Variants in RALYL observed in about 807,000 individuals in gnomAD.
RALYL encodes the protein RALY RNA binding protein like.
In RALYL, 29 loss-of-function variants were observed where a neutral mutation model predicts 35.1. The observed-to-expected ratio is 0.83, with a 90% CI of 0.61 to 1.13. RALYL has a LOEUF of 1.13. RALYL is among the 50% of genes most tolerant of loss of function. RALYL has a pLI of 0.00. For synonymous variants in RALYL, 120 were observed against 127.6 expected (o/e 0.94, Z 0.40); for missense variants, 359 against 360.4 (o/e 1.00, Z 0.03).
chr8:84,392,242 C>T (rs183117227), intron 1 of RALYL, among the ~76,000 whole-genome samples: 61 of 151,728 alleles, frequency 4.0e-4, no homozygotes, highest in African/African-American at 1.3e-3. Flanking sequence ...TCTTACTGCT[C>T]AAAGGAAAAA....
chr8:84,546,412 C>T (rs1405442187), intron 2 of RALYL, among the ~76,000 whole-genome samples: 2 of 152,142 alleles, frequency 1.3e-5, no homozygotes, highest in South Asian at 4.1e-4. Flanking sequence ...TGAGCCACCA[C>T]GCCGAGCCAA....
chr8:84,780,829 G>A (rs35907744), intron 3 of RALYL, among the ~76,000 whole-genome samples: 1 of 152,080 alleles, frequency 6.6e-6, no homozygotes, highest in Non-Finnish European at 1.5e-5. Context: ...CTATGATAAA[G>A]TATTTTAGGA....
intron 1 of RALYL, among the ~76,000 whole-genome samples, chr8:84,500,293 T>A (rs1287991510): frequency 2.0e-5 from 3 of 152,172 alleles, no homozygotes; most frequent in Admixed American, 6.6e-5. Flanking sequence ...ACTTTACTGA[T>A]AATCAAGGCT....
chr8:84,316,810 A>G (rs921707312), intron 1 of RALYL, among the ~76,000 whole-genome samples: 5 of 152,194 alleles, frequency 3.3e-5, no homozygotes, highest in African/African-American at 1.2e-4. Flanking sequence ...CTATTTTAGC[A>G]GAAAAATGGT....
intron 2 of RALYL, among the ~76,000 whole-genome samples, chr8:84,661,631 T>C (rs985813857): frequency 7.0e-6 from 1 of 143,098 alleles, no homozygotes; most frequent in South Asian, 2.2e-4. Flanking sequence ...TTATTTATTT[T>C]ATTTATTTTT....
intron 1 of RALYL, among the ~76,000 whole-genome samples, chr8:84,472,690 G>GA (rs978819654): frequency 1.3e-5 from 2 of 150,588 alleles, no homozygotes; most frequent in Non-Finnish European, 3.0e-5. Context: ...ACTCAAGCCT[G>GA]AAAAAAAAAG....
chr8:84,234,631 A>T (rs1184006336), intron 1 of RALYL, among the ~76,000 whole-genome samples: 1 of 152,196 alleles, frequency 6.6e-6, no homozygotes, highest in East Asian at 1.9e-4. Context: ...ATTTTCCTTC[A>T]TCGGAATGTC....
chr8:84,661,060 C>T (rs1830808207), intron 2 of RALYL, among the ~76,000 whole-genome samples: 1 of 152,036 alleles, frequency 6.6e-6, no homozygotes, highest in Non-Finnish European at 1.5e-5. Flanking sequence ...TCCCGACTAG[C>T]TGGGACTACA....
intron 2 of RALYL, among the ~76,000 whole-genome samples, chr8:84,687,386 A>T (rs1255929741): frequency 1.3e-5 from 2 of 152,094 alleles, no homozygotes; most frequent in African/African-American, 4.8e-5. Context: ...ATAGAAGCAC[A>T]TCGAATGGGA....
At chr8:84,677,505 T>C (rs908275075) in intron 2 of RALYL, among the ~76,000 whole-genome samples, 73 of 152,202 alleles carry the variant, frequency 4.8e-4, no homozygotes, top group African/African-American at 1.7e-3. Flanking sequence ...GCCTATTTCT[T>C]AATGATCTGA....
At chr8:84,767,128 A>G (rs752047234) in intron 2 of RALYL, among the ~76,000 whole-genome samples, 21 of 152,220 alleles carry the variant, frequency 1.4e-4, no homozygotes, top group Admixed American at 3.3e-4. Context: ...GTATGCTTAC[A>G]AAGATTGGTC....
intron 2 of RALYL, among the ~76,000 whole-genome samples, chr8:84,537,653 T>C (rs573236394): frequency 1.3e-5 from 2 of 152,238 alleles, no homozygotes; most frequent in Admixed American, 6.5e-5. Flanking sequence ...TGTAGTAATG[T>C]TTTTTATTTA....
intron 5 of RALYL, among the ~76,000 whole-genome samples, chr8:84,852,105 C>A (rs891525102): frequency 6.6e-6 from 1 of 152,130 alleles, no homozygotes; most frequent in Non-Finnish European, 1.5e-5. Flanking sequence ...ATAATCTAGG[C>A]ATCCAATTTA....
chr8:84,776,665 T>C (rs1692014594), intron 3 of RALYL, among the ~76,000 whole-genome samples: 1 of 152,188 alleles, frequency 6.6e-6, no homozygotes, highest in Non-Finnish European at 1.5e-5. Context: ...ATGGCTTTTT[T>C]TTATCATCAA....
At chr8:84,917,464 G>A (rs1177853891) in intron 8 of RALYL, among the ~76,000 whole-genome samples, 1 of 151,702 alleles carries the variant, frequency 6.6e-6, no homozygotes, top group East Asian at 1.9e-4. Context: ...TATCCTTTGT[G>A]TTACAAACAA....
At chr8:84,559,467 G>C (rs1239249602) in intron 2 of RALYL, among the ~76,000 whole-genome samples, 5 of 151,884 alleles carry the variant, frequency 3.3e-5, no homozygotes, top group Non-Finnish European at 7.4e-5. Flanking sequence ...CATTAACATA[G>C]CTTTTTATGT....
chr8:84,261,789 ATTAC>A (rs1800924356), intron 1 of RALYL, among the ~76,000 whole-genome samples: 1 of 152,070 alleles, frequency 6.6e-6, no homozygotes, highest in Non-Finnish European at 1.5e-5. Context: ...AATATGTTTT[ATTAC>A]TTTATTTGTG....
At chr8:84,679,652 G>T in intron 2 of RALYL, 1 of 491,042 alleles carries the variant, frequency 2.0e-6, no homozygotes, top group South Asian at 1.5e-5. Flanking sequence ...TGCTGGAGGT[G>T]ACAATGAAGT....
intron 2 of RALYL, among the ~76,000 whole-genome samples, chr8:84,608,542 TC>T (rs1428720781): frequency 6.6e-6 from 1 of 152,168 alleles, no homozygotes; most frequent in Non-Finnish European, 1.5e-5. Flanking sequence ...TGCTCCTGCC[TC>T]CCACTTTGCC....
Sources: gnomAD v4.1 joint callset for allele counts (sites outside exome capture counted in the v4.1 genomes callset) on GRCh38, gnomAD v4.1.1 for gene constraint, MANE v1.5 for transcripts, NCBI Gene and HGNC (gene_info 2026-07-23, HGNC 2026-07-21) for gene names.